RPS29: variants seen among roughly 807,000 people sequenced by gnomAD.
The protein encoded by RPS29 is small ribosomal subunit protein uS14.
For synonymous variants in RPS29, 37 were observed against 26.9 expected, an observed-to-expected ratio of 1.37 and a Z score of -1.16; for missense variants, 60 against 75.7, an observed-to-expected ratio of 0.79 and a Z score of 0.77.
chr14:49,579,051 A>G (rs1881266197), downstream of RPS29, among the ~76,000 whole-genome samples: 1 of 152,172 alleles, frequency 6.6e-6, no homozygotes, highest in African/African-American at 2.4e-5. Context: ...TTCTACAGCC[A>G]AAATGTTTAT....
At chr14:49,591,172 T>C (rs1881701692), upstream of RPS29, among the ~76,000 whole-genome samples, 1 of 152,170 alleles carries the variant, frequency 6.6e-6, no homozygotes, top group Admixed American at 6.6e-5. Flanking sequence ...AAAAAATACA[T>C]ACATACATGC....
chr14:49,598,048 T>C (rs1051682547), intron 1 of RPS29: 5 of 232,408 alleles, frequency 2.2e-5, no homozygotes, highest in Admixed American at 5.3e-5. Flanking sequence ...ATAGGGACGC[T>C]CATTTGAGAA....
At chr14:49,594,833 G>T (rs898677338) in intron 1 of RPS29, among the ~76,000 whole-genome samples, 8 of 152,302 alleles carry the variant, frequency 5.3e-5, no homozygotes, top group African/African-American at 1.9e-4. Context: ...GCTCTCAAAA[G>T]AACACTTGCC....
At chr14:49,588,231 A>G (rs1881632726), upstream of RPS29, among the ~76,000 whole-genome samples, 1 of 152,208 alleles carries the variant, frequency 6.6e-6, no homozygotes, top group Non-Finnish European at 1.5e-5. Context: ...TAAAGAAGTG[A>G]ATTCATTTAG....
chr14:49,585,742 A>G (rs901948998), intron 2 of RPS29: 12 of 561,666 alleles, frequency 2.1e-5, no homozygotes, highest in East Asian at 5.7e-5. Context: ...GGAAAGACTA[A>G]GTCCTTCACC....
chr14:49,587,474 C>A (rs1211931032), upstream of RPS29, among the ~76,000 whole-genome samples: 1 of 152,194 alleles, frequency 6.6e-6, no homozygotes, highest in Admixed American at 6.5e-5. Context: ...GAAACTTTTA[C>A]ATATAAACTT....
chr14:49,586,468 A>C (rs1036813504), upstream of RPS29: 3 of 870,288 alleles, frequency 3.4e-6, no homozygotes, highest in South Asian at 2.7e-5. Flanking sequence ...CAGTGTGGTC[A>C]GGTTGTTTCG....
exon 3 of RPS29, chr14:49,576,713 G>A (rs1043052037): frequency 6.6e-6 from 1 of 151,164 alleles, no homozygotes; most frequent in Non-Finnish European, 1.5e-5. Context: ...GGACCCGGTG[G>A]GAGATAACTG....
downstream of RPS29, among the ~76,000 whole-genome samples, chr14:49,579,510 T>C (rs1226780087): frequency 6.6e-6 from 1 of 152,164 alleles, no homozygotes; most frequent in Non-Finnish European, 1.5e-5. Flanking sequence ...AAGACCAACC[T>C]GGGCAACACT....
intron 1 of RPS29, among the ~76,000 whole-genome samples, chr14:49,592,668 G>A (rs1420282296): frequency 6.6e-6 from 1 of 151,684 alleles, no homozygotes; most frequent in Non-Finnish European, 1.5e-5. Flanking sequence ...CAGCACTTTG[G>A]GAGGCCGAGA....
At chr14:49,589,454 T>C (rs1464135734), upstream of RPS29, among the ~76,000 whole-genome samples, 1 of 152,252 alleles carries the variant, frequency 6.6e-6, no homozygotes, top group Non-Finnish European at 1.5e-5. Context: ...TGGAATAATA[T>C]GCATGTTAGG....
chr14:49,586,614 T>C (rs749765541), upstream of RPS29: 1 of 486,154 alleles, frequency 2.1e-6, no homozygotes, highest in Non-Finnish European at 3.8e-6. Flanking sequence ...TAGTCCCAGC[T>C]ACTCGGGAGG....
At position 49,585,004 on chromosome 14, in the gene RPS29, T is replaced by C. The variant is rs373596762; in HGVS notation, c.162+946A>G. Among the ~76,000 whole-genome samples the C allele has an allele frequency of 6.6e-5, 10 of 152,306 alleles. No individual in the cohort carries two copies. The South Asian group carries it at 1.9e-3, about 28-fold the overall frequency. ...GATAGAAGCACTAAATGGCAGACCATTGTTTGCTGAATCTTAACAATGTCT... is the reference window on the plus strand; with the variant it reads ...GATAGAAGCACTAAATGGCAGACCACTGTTTGCTGAATCTTAACAATGTCT... On this transcript the variant is annotated intron_variant, in intron 2 of 2. Coordinates refer to ENST00000245458, the MANE Select transcript of RPS29 (RefSeq NM_001032.5).
Position 49,592,517 on chromosome 14 carries a change from G to A in RPS29, c.-133+5883C>T, listed in dbSNP as rs554614396. 9.4e-4 allele frequency among the ~76,000 whole-genome samples: 143 copies of A among 151,486 alleles called. 1 individual carries two copies. Among genetic ancestry groups the A allele is most frequent in the Middle Eastern group, 3.4e-3 (1 of 294 alleles). On this transcript the variant is annotated intron_variant, in intron 1 of 3. Transcript: ENST00000556230. ...CGAGTAGCTGGGATTACAGGCATGC[G>A]CCACCACCCCCAGCTAATTTTGTAT...
At chr14:49,585,704 C>CT in intron 2 of RPS29, 3 of 504,226 alleles carry the variant, frequency 5.9e-6, no homozygotes, top group Non-Finnish European at 1.1e-5. Context: ...CTAAAACTGG[C>CT]TAAGCTATCT....
chr14:49,586,104 C>T, intron 1 of RPS29, 55 bp from the exon 2 acceptor site: 8 of 1,508,794 alleles, frequency 5.3e-6, no homozygotes, highest in Non-Finnish European at 6.5e-6. Context: ...AGACTCCGCA[C>T]TCAGACGGCT....
exon 1 of RPS29, chr14:49,598,516 C>T (rs1881890916): frequency 1.4e-6 from 1 of 702,306 alleles, no homozygotes; most frequent in Non-Finnish European, 2.6e-6. Context: ...CCACCAGCAG[C>T]CCGTCCGCGC....
chr14:49,582,198 TGCA>T (rs1055736202), downstream of RPS29, among the ~76,000 whole-genome samples: 10 of 152,276 alleles, frequency 6.6e-5, no homozygotes, highest in East Asian at 1.9e-4. Flanking sequence ...CTTGGGAGGC[TGCA>T]GGAGAATCAG....
At chr14:49,586,568 C>G (rs545040208), upstream of RPS29, 47 of 562,550 alleles carry the variant, frequency 8.4e-5, no homozygotes, top group African/African-American at 8.1e-4. Context: ...TATTCTGCGC[C>G]GGTATCCGAC....
Sources: gnomAD v4.1 joint callset for allele counts (sites outside exome capture counted in the v4.1 genomes callset) on GRCh38, gnomAD v4.1.1 for gene constraint, MANE v1.5 for transcripts, NCBI Gene and HGNC (gene_info 2026-07-23, HGNC 2026-07-21) for gene names.